ADGRV1: variants seen among roughly 807,000 people sequenced by gnomAD.
ADGRV1 encodes adhesion G protein-coupled receptor V1, also known as G-protein coupled receptor 98.
A neutral mutation model predicts 596.2 loss-of-function variants in ADGRV1; 359 were observed. The ratio of observed to expected loss-of-function variants is 0.60; its 90% confidence interval spans 0.55 to 0.66. The LOEUF is 0.66. Ranked by LOEUF, ADGRV1 falls within the 30% of genes least tolerant of loss-of-function variation. ADGRV1 has a pLI of 0.00. For synonymous variants in ADGRV1, 2,681 were observed against 2,679.2 expected, an observed-to-expected ratio of 1.00 and a Z score of -0.02; for missense variants, 7,274 against 7,575.6, an observed-to-expected ratio of 0.96 and a Z score of 1.48.
At chr5:90,707,305 G>T (rs905789617) in intron 38 of ADGRV1, among the ~76,000 whole-genome samples, 1 of 152,128 alleles carries the variant, frequency 6.6e-6, no homozygotes. Flanking sequence ...TGGTACTCAC[G>T]GAGGGAGTAG....
intron 83 of ADGRV1, among the ~76,000 whole-genome samples, chr5:90,935,759 T>G (rs893714881): frequency 6.6e-6 from 1 of 152,164 alleles, no homozygotes; most frequent in Non-Finnish European, 1.5e-5. Flanking sequence ...CGAGGCAGTG[T>G]TTCTTAGAAT....
chr5:90,675,495 A>G, intron 24 of ADGRV1, 50 bp downstream of exon 24: 1 of 1,497,560 alleles, frequency 6.7e-7, no homozygotes, highest in Non-Finnish European at 9.2e-7. Context: ...TAAAACAGAC[A>G]TAATCCTTCT....
chr5:90,982,728 G>A (rs1780178773), intron 84 of ADGRV1, among the ~76,000 whole-genome samples: 1 of 120,848 alleles, frequency 8.3e-6, no homozygotes, highest in African/African-American at 3.5e-5. Context: ...GGAATTCAGT[G>A]TAGATGATTG....
chr5:90,756,704 A>C, intron 56 of ADGRV1, 74 bp downstream of exon 56: 3 of 1,220,662 alleles, frequency 2.5e-6, no homozygotes, highest in Non-Finnish European at 3.4e-6. Context: ...TTTTATGTTT[A>C]GCTTTGCCTG....
At chr5:90,711,110 T>C (rs1749285419) in intron 40 of ADGRV1, 51 bp downstream of exon 40, 1 of 1,574,880 alleles carries the variant, frequency 6.3e-7, no homozygotes, top group Non-Finnish European at 8.7e-7. Flanking sequence ...TATTATTTAC[T>C]ATCTACCAAA....
At chr5:91,151,192 C>T (rs1458471331) in intron 88 of ADGRV1, among the ~76,000 whole-genome samples, 1 of 151,980 alleles carries the variant, frequency 6.6e-6, no homozygotes, top group Non-Finnish European at 1.5e-5. Flanking sequence ...ACTTACCTGT[C>T]CAGAGATAAC....
intron 85 of ADGRV1, among the ~76,000 whole-genome samples, chr5:90,988,578 C>G (rs909932774): frequency 4.3e-4 from 65 of 151,968 alleles, no homozygotes; most frequent in African/African-American, 1.5e-3. Flanking sequence ...TTTCTGAGCT[C>G]CATACCCATA....
At chr5:90,909,901 A>AATATTTTTAATTTTT in intron 83 of ADGRV1, among the ~76,000 whole-genome samples, 1 of 152,234 alleles carries the variant, frequency 6.6e-6, no homozygotes, top group African/African-American at 2.4e-5. Flanking sequence ...TTAAAATATA[A>AATATTTTTAATTTTT]AATAAATTAA....
intron 83 of ADGRV1, among the ~76,000 whole-genome samples, chr5:90,922,453 T>C (rs1773966551): frequency 6.6e-6 from 1 of 152,204 alleles, no homozygotes; most frequent in South Asian, 2.1e-4. Context: ...CTATATTCTA[T>C]ACTTTGAACA....
At chr5:90,865,762 C>G (rs1768031681) in intron 83 of ADGRV1, among the ~76,000 whole-genome samples, 1 of 152,050 alleles carries the variant, frequency 6.6e-6, no homozygotes, top group African/African-American at 2.4e-5. Context: ...CCCTTAAAAC[C>G]TTTTAGCTAA....
intron 1 of ADGRV1, among the ~76,000 whole-genome samples, chr5:90,582,087 C>T (rs1009021944): frequency 7.0e-6 from 1 of 143,864 alleles, no homozygotes; most frequent in Non-Finnish European, 1.5e-5. Context: ...TTTATTGAGG[C>T]TTGCTTTATG....
chr5:91,032,106 G>A (rs990443728), intron 85 of ADGRV1, among the ~76,000 whole-genome samples: 4 of 152,202 alleles, frequency 2.6e-5, no homozygotes, highest in Non-Finnish European at 4.4e-5. Flanking sequence ...AAGGGAGGCA[G>A]GAAAGTTAGC....
intron 52 of ADGRV1, among the ~76,000 whole-genome samples, chr5:90,746,036 C>G (rs1754588996): frequency 6.6e-6 from 1 of 151,984 alleles, no homozygotes; most frequent in Non-Finnish European, 1.5e-5. Flanking sequence ...TTTCAGATTC[C>G]TTTTATAGGA....
At chr5:91,119,225 C>A (rs1793102931) in intron 87 of ADGRV1, among the ~76,000 whole-genome samples, 1 of 152,024 alleles carries the variant, frequency 6.6e-6, no homozygotes, top group South Asian at 2.1e-4. Flanking sequence ...AATAAAACAC[C>A]CAGATTTGTG....
Position 91,077,628 on chromosome 5 carries a change from G to A in ADGRV1, c.18310+5024G>A, listed in dbSNP as rs559366066. 3.9e-5 allele frequency among the ~76,000 whole-genome samples: 6 copies of A among 152,308 alleles called. 1 individual carries two copies. The highest frequency in any genetic ancestry group is 1.4e-4 in the African/African-American group (6 of 41,574). ...AGCATGGCCTGGGACAGGACAACTC[G>A]GCTTTTTGTGGCCCTTTGACTGCCA... On this transcript the variant is annotated intron_variant, in intron 86 of 89. Transcript: ENST00000405460.
chr5:91,158,829 T>C (rs1342756951), intron 89 of ADGRV1, among the ~76,000 whole-genome samples: 1 of 150,176 alleles, frequency 6.7e-6, no homozygotes, highest in Non-Finnish European at 1.5e-5. Context: ...ATGCTCCATA[T>C]TGGATGGATA....
chr5:91,027,506 G>T (rs143655702), intron 85 of ADGRV1, among the ~76,000 whole-genome samples: 1 of 152,102 alleles, frequency 6.6e-6, no homozygotes, highest in African/African-American at 2.4e-5. Flanking sequence ...AGTCAAAAAG[G>T]CTACTGGGCT....
chr5:90,692,844 A>C, intron 32 of ADGRV1, 58 bp downstream of exon 32: 1 of 1,330,230 alleles, frequency 7.5e-7, no homozygotes, highest in Non-Finnish European at 1.0e-6. Context: ...GGTGGTGGGG[A>C]AGGATCCCTT....
chr5:90,577,045 A>C (rs985148254), intron 1 of ADGRV1, among the ~76,000 whole-genome samples: 2 of 152,028 alleles, frequency 1.3e-5, no homozygotes, highest in African/African-American at 4.8e-5. Context: ...AGATTGCAAA[A>C]ATTTTCTCTC....
Sources: allele counts gnomAD v4.1 joint callset (sites outside exome capture counted in the v4.1 genomes callset), GRCh38; gene constraint gnomAD v4.1.1; transcripts MANE v1.5; gene names NCBI Gene and HGNC (gene_info 2026-07-23, HGNC 2026-07-21).